Variants in CCDC88A observed in about 807,000 individuals in gnomAD.
The protein encoded by CCDC88A is girdin.
Under a neutral mutation model 234.3 loss-of-function variants are expected in CCDC88A, and 54 were observed. That is an observed-to-expected ratio of 0.23 (90% CI 0.19 to 0.29). The LOEUF (loss-of-function observed/expected upper bound fraction) is 0.29. CCDC88A is among the 10% of genes least tolerant of loss of function. The probability of loss-of-function intolerance (pLI) is 1.00; values close to 1 mark genes in which losing one functional copy is unlikely to be tolerated. For missense variants in CCDC88A, 1,832 were observed against 2,123.4 expected, an observed-to-expected ratio of 0.86 and a Z score of 2.70; for synonymous variants, 753 against 737.8, an observed-to-expected ratio of 1.02 and a Z score of -0.33.
chr2:55,305,848 A>G (rs1681484773), intron 25 of CCDC88A, among the ~76,000 whole-genome samples: 1 of 150,292 alleles, frequency 6.7e-6, no homozygotes, highest in Admixed American at 6.6e-5. Flanking sequence ...GCAACAGAGT[A>G]AGACTCCATC....
At chr2:55,395,624 T>C (rs1432054811) in intron 2 of CCDC88A, among the ~76,000 whole-genome samples, 1 of 152,212 alleles carries the variant, frequency 6.6e-6, no homozygotes, top group Non-Finnish European at 1.5e-5. Flanking sequence ...TAGTGTTTTT[T>C]AAACCATTGC....
chr2:55,336,987 T>C, intron 13 of CCDC88A, 169 bp from the exon 14 acceptor site: 1 of 499,406 alleles, frequency 2.0e-6, no homozygotes, highest in South Asian at 3.1e-5. Flanking sequence ...CTAATTTCTG[T>C]AGCTGTATAA....
At chr2:55,393,349 G>C (rs1382399582) in intron 2 of CCDC88A, among the ~76,000 whole-genome samples, 1 of 125,590 alleles carries the variant, frequency 8.0e-6, no homozygotes, top group Non-Finnish European at 1.6e-5. Context: ...GGAGTACAGT[G>C]GCATGATCTC....
chr2:55,373,999 G>T lies in CCDC88A; in HGVS notation c.343+815C>A, dbSNP rs571536943. ...ATCACATTTAAAATGTGGTATAAAG[G>T]GCAGAACATTTTGAAGAAAAAATTA... On this transcript the variant is annotated intron_variant, in intron 4 of 32. Coordinates refer to ENST00000436346, the MANE Select transcript of CCDC88A (RefSeq NM_001365480.1). Among the ~76,000 whole-genome samples, 6 of 152,194 alleles carry T rather than the reference G, an allele frequency of 3.9e-5. No homozygotes were observed. The South Asian group carries it at 8.3e-4, about 21-fold the overall frequency.
At chr2:55,370,641 C>CAAA (rs567431857) in intron 5 of CCDC88A, among the ~76,000 whole-genome samples, 4 of 47,510 alleles carry the variant, frequency 8.4e-5, no homozygotes, top group African/African-American at 1.2e-4. Context: ...AACTCTGTCT[C>CAAA]AAAAAAAAAA....
At chr2:55,398,766 G>A (rs1325639483) in intron 2 of CCDC88A, among the ~76,000 whole-genome samples, 1 of 152,012 alleles carries the variant, frequency 6.6e-6, no homozygotes, top group Non-Finnish European at 1.5e-5. Context: ...ATTTAAAAAT[G>A]AGGCAGGAAG....
chr2:55,303,391 CTTT>C (rs397965492), intron 25 of CCDC88A, among the ~76,000 whole-genome samples: 6 of 135,458 alleles, frequency 4.4e-5, no homozygotes, highest in Admixed American at 2.2e-4. Flanking sequence ...GGAACATATA[CTTT>C]TTTTTTTTTT....
At chr2:55,301,616 T>C in intron 27 of CCDC88A, 1 of 554,234 alleles carries the variant, frequency 1.8e-6, no homozygotes, top group East Asian at 3.1e-5. Flanking sequence ...TTTATCACTC[T>C]TTACCTGGTT....
chr2:55,316,122 T>C lies in CCDC88A; in HGVS notation c.3747-8A>G. On this transcript the variant is annotated splice_polypyrimidine_tract_variant and splice_region_variant and intron_variant, in intron 21 of 32. Transcript: ENST00000436346. ...CTATAGGTATGATTCAGCCTATAAT[T>C]AGAAATCATAGAAATATAATTAGAT... 1 of 1,135,634 alleles carries C rather than the reference T, an allele frequency of 8.8e-7. No individual in the cohort carries two copies. The highest frequency in any genetic ancestry group is 1.2e-6 in the Non-Finnish European group (1 of 807,492). 70.3% of individuals were successfully genotyped at this position (1,135,634 alleles called of 1,614,324 possible).
At chr2:55,372,884 T>C (rs553377029) in intron 4 of CCDC88A, among the ~76,000 whole-genome samples, 2 of 152,336 alleles carry the variant, frequency 1.3e-5, no homozygotes, top group African/African-American at 4.8e-5. Context: ...TGGCTCCTAA[T>C]AGGTTTGGCT....
intron 3 of CCDC88A, among the ~76,000 whole-genome samples, chr2:55,386,972 C>T (rs1391900531): frequency 8.7e-5 from 13 of 150,122 alleles, no homozygotes; most frequent in East Asian, 8.0e-4. Context: ...GTCAGGAGTT[C>T]GAGACCAGCC....
At position 55,301,188 on chromosome 2, in the gene CCDC88A, TA is replaced by T; in HGVS notation, c.4744+17del. On this transcript the variant is annotated intron_variant, in intron 28 of 32. Coordinates refer to ENST00000436346, the MANE Select transcript of CCDC88A (RefSeq NM_001365480.1). ...CTGTATTTAATGTGTACTCTCTAAA[TA>T]AGGTTCATTATCTTACCATGAACTC... 1 of 1,458,546 alleles carries T rather than the reference TA, an allele frequency of 6.9e-7. No individual in the cohort carries two copies. Among genetic ancestry groups the T allele is most frequent in the Non-Finnish European group, 9.6e-7 (1 of 1,044,148 alleles). 90.4% of individuals were successfully genotyped at this position (1,458,546 alleles called of 1,614,324 possible). A position where few individuals can be genotyped will look rare whatever the true frequency, so the allele number is the denominator to read the frequency against.
Position 55,317,635 on chromosome 2 carries a change from A to C in CCDC88A, c.3531T>G (p.Leu1177=), listed in dbSNP as rs376393833. Residue 1177 remains leucine (L), a synonymous_variant, in exon 20 of 33, where the codon CTT becomes CTG. Coordinates refer to ENST00000436346, the MANE Select transcript of CCDC88A (RefSeq NM_001365480.1). The surrounding 1 kb of genome is among the most constrained non-coding windows in gnomAD (Gnocchi z 4.2). ...ACTTCAGAGTTCCATGTTTAGAGAT[A>C]AGAGATTCATACTCTGAAGCCTGAC... ...HERQASEYES[L]ISKHGTLKSA... is the part of the protein sequence containing the mutation. 8 of 1,611,268 alleles carry C rather than the reference A, an allele frequency of 5.0e-6. No homozygotes were observed. The African/African-American group carries it at 1.1e-4, about 21-fold the overall frequency.
chr2:55,330,725 T>C (rs1191068410), intron 16 of CCDC88A, among the ~76,000 whole-genome samples: 2 of 152,230 alleles, frequency 1.3e-5, no homozygotes, highest in African/African-American at 2.4e-5. Context: ...TAATTCATTA[T>C]GTAAATAAAT....
At position 55,324,216 on chromosome 2, in the gene CCDC88A, T is replaced by C. The variant is rs915738365; in HGVS notation, c.2998-1524A>G. On this transcript the variant is annotated intron_variant, in intron 17 of 32. Transcript: ENST00000436346. ...ATGTTATGAATTCAAATTTTCAAGT[T>C]CCCAAAGATAATGTCATCTTTAAAA... 1.1e-4 allele frequency: 17 copies of C among 152,222 alleles called. 2 individuals are homozygous for C. Among genetic ancestry groups the C allele is most frequent in the Admixed American group, 9.2e-4 (14 of 15,280 alleles). The allele number at this position is 152,222 out of a possible 1,614,324, so 9.4% of individuals were successfully genotyped here. A position where few individuals can be genotyped will look rare whatever the true frequency, so the allele number is the denominator to read the frequency against.
chr2:55,332,515 C>CAA lies in CCDC88A; in HGVS notation c.2855+49_2855+50dup, dbSNP rs368125112. On this transcript the variant is annotated intron_variant, in intron 16 of 32. Transcript: ENST00000436346. This position sits in a 1 kb window ranked among gnomAD's most constrained non-coding sequence, Gnocchi z 4.5. ...AGTACAGAAAGAATTCATGTATGAG[C>CAA]AAAAAAAAAAAAAAATTTTCAACTG... 3.1e-4 allele frequency: 430 copies of CAA among 1,377,466 alleles called. No homozygotes were observed. In the East Asian group the frequency reaches 4.8e-3, roughly 15 times the overall value. 85.3% of individuals were successfully genotyped at this position (1,377,466 alleles called of 1,614,324 possible). A position where few individuals can be genotyped will look rare whatever the true frequency, so the allele number is the denominator to read the frequency against.
At chr2:55,315,829 A>C (rs1682917497) in intron 22 of CCDC88A, 99 bp downstream of exon 22, 2 of 607,736 alleles carry the variant, frequency 3.3e-6, no homozygotes. Flanking sequence ...TATGCCACTA[A>C]ATATATACTA....
intron 2 of CCDC88A, among the ~76,000 whole-genome samples, chr2:55,389,927 G>A (rs1676330583): frequency 6.6e-6 from 1 of 151,304 alleles, no homozygotes; most frequent in African/African-American, 2.4e-5. Context: ...TGTAGTCGCA[G>A]CTACTTGGGA....
At chr2:55,409,514 C>G (rs558060870) in intron 2 of CCDC88A, among the ~76,000 whole-genome samples, 56 of 152,288 alleles carry the variant, frequency 3.7e-4, no homozygotes, top group African/African-American at 1.3e-3. Flanking sequence ...GGCAAAGCAT[C>G]CTATTCCTAG....
Sources: allele counts gnomAD v4.1 joint callset (sites outside exome capture counted in the v4.1 genomes callset), GRCh38; gene constraint gnomAD v4.1.1; non-coding constraint Gnocchi (gnomAD v3.1); transcripts MANE v1.5; gene names NCBI Gene and HGNC (gene_info 2026-07-23, HGNC 2026-07-21).